Variants in HMCN1 observed in about 807,000 individuals in gnomAD.
HMCN1 encodes hemicentin 1.
In HMCN1, 321 loss-of-function variants were observed where a neutral mutation model predicts 625.9. The observed-to-expected ratio is 0.51, with a 90% confidence interval of 0.47 to 0.56. The LOEUF (loss-of-function observed/expected upper bound fraction) is 0.56. Ranked by LOEUF, HMCN1 falls within the 20% of genes least tolerant of loss-of-function variation. HMCN1 has a pLI of 0.00. For synonymous variants in HMCN1, 2,425 were observed against 2,417.6 expected, an observed-to-expected ratio of 1.00 and a Z score of -0.09; for missense variants, 6,588 against 6,887.3, an observed-to-expected ratio of 0.96 and a Z score of 1.54.
chr1:185,847,173 C>T (rs1661873134), intron 2 of HMCN1, among the ~76,000 whole-genome samples: 3 of 151,864 alleles, frequency 2.0e-5, no homozygotes, highest in Non-Finnish European at 1.5e-5. Flanking sequence ...TCTCCTTTGT[C>T]CATTGCCTTT....
chr1:186,007,076 A>G, intron 29 of HMCN1, 52 bp from the exon 30 acceptor site: 2 of 1,391,596 alleles, frequency 1.4e-6, no homozygotes, highest in Non-Finnish European at 2.0e-6. Flanking sequence ...GATAAATAAG[A>G]AATGTGAAAA....
intron 6 of HMCN1, among the ~76,000 whole-genome samples, chr1:185,917,076 A>T (rs941238142): frequency 1.3e-5 from 2 of 152,060 alleles, no homozygotes; most frequent in Non-Finnish European, 2.9e-5. Context: ...TCAATGATAC[A>T]TTTCTCTTCC....
At chr1:185,909,156 G>A (rs1160978325) in intron 4 of HMCN1, among the ~76,000 whole-genome samples, 181 bp from the exon 5 acceptor site, 2 of 152,050 alleles carry the variant, frequency 1.3e-5, no homozygotes, top group African/African-American at 4.8e-5. Flanking sequence ...CCAGCATTTT[G>A]TTTTGAATGT....
chr1:186,122,408 A>G (rs1441411665), intron 80 of HMCN1, among the ~76,000 whole-genome samples: 2 of 152,186 alleles, frequency 1.3e-5, no homozygotes, highest in Admixed American at 1.3e-4. Flanking sequence ...AAGCTCTTTT[A>G]TAGGTTTCCA....
chr1:185,997,997 G>T (rs926430641), intron 25 of HMCN1, among the ~76,000 whole-genome samples: 3 of 152,022 alleles, frequency 2.0e-5, no homozygotes, highest in Non-Finnish European at 4.4e-5. Context: ...CTTGTAAATT[G>T]TCACTTGGAG....
intron 9 of HMCN1, among the ~76,000 whole-genome samples, chr1:185,926,478 A>G (rs949262061): frequency 6.6e-6 from 1 of 152,230 alleles, no homozygotes; most frequent in African/African-American, 2.4e-5. Context: ...GTGAAATCAA[A>G]TAATTCTGTT....
intron 36 of HMCN1, among the ~76,000 whole-genome samples, chr1:186,035,909 T>C (rs1022453089): frequency 3.9e-5 from 6 of 152,170 alleles, no homozygotes; most frequent in Non-Finnish European, 4.4e-5. Context: ...ATATTCGTTA[T>C]AACTGTATTT....
intron 48 of HMCN1, among the ~76,000 whole-genome samples, chr1:186,062,967 G>A (rs1027874713): frequency 1.9e-4 from 28 of 148,158 alleles, no homozygotes; most frequent in Non-Finnish European, 3.7e-4. Flanking sequence ...AAAGGCCTCC[G>A]GTTCCATTCA....
rs183725854 is a variant in HMCN1 at position 186,074,842 on chromosome 1, A to G, written c.8241A>G (p.Ala2747=). 117 of 1,613,168 alleles carry G rather than the reference A, an allele frequency of 7.3e-5. No homozygotes were observed. The highest frequency in any genetic ancestry group is 8.7e-5 in the Non-Finnish European group (103 of 1,179,358). ...ISDTGRYTCV[A]SNIAGEDELD... ...ACACCGGACGATATACTTGTGTAGC[A>G]TCTAACATTGCAGGTGAAGATGAGT... Residue 2747 remains alanine (A), a synonymous_variant, in exon 53 of 107, where the codon GCA becomes GCG. Transcript: ENST00000271588.
In HMCN1 at chr1:186,061,542, C is replaced by T. The variant is rs115117785; in HGVS notation, c.7313-309C>T. Among the ~76,000 whole-genome samples, 1,413 of 152,226 alleles carry T rather than the reference C, an allele frequency of 9.3e-3. 25 individuals are homozygous for T. Among genetic ancestry groups the T allele is most frequent in the African/African-American group, 0.033 (1,361 of 41,552 alleles). Reference sequence around the variant, plus strand: ...CAAACTATATCAGCATCTCTCAACTCGTGTTAAAATATACTTATCTTTTAA... The same window carrying T: ...CAAACTATATCAGCATCTCTCAACTTGTGTTAAAATATACTTATCTTTTAA... On this transcript the variant is annotated intron_variant, in intron 46 of 106. Coordinates refer to ENST00000271588, the MANE Select transcript of HMCN1 (RefSeq NM_031935.3).
At chr1:185,911,991 C>A (rs147825604) in intron 6 of HMCN1, among the ~76,000 whole-genome samples, 1 of 152,076 alleles carries the variant, frequency 6.6e-6, no homozygotes, top group Non-Finnish European at 1.5e-5. Flanking sequence ...CATTGCCACA[C>A]GATACACTTA....
intron 18 of HMCN1, among the ~76,000 whole-genome samples, chr1:185,983,462 T>C (rs1477034442): frequency 2.6e-5 from 4 of 152,108 alleles, no homozygotes; most frequent in African/African-American, 9.7e-5. Context: ...AAAAAGTGAA[T>C]TGACTCCATC....
At chr1:185,814,704 T>A (rs987773807) in intron 1 of HMCN1, among the ~76,000 whole-genome samples, 22 of 149,328 alleles carry the variant, frequency 1.5e-4, no homozygotes, top group East Asian at 7.7e-4. Flanking sequence ...TTATTTTTTT[T>A]TTTTTGAGAT....
At chr1:186,034,548 C>A (rs1479888973) in intron 36 of HMCN1, among the ~76,000 whole-genome samples, 1 of 152,096 alleles carries the variant, frequency 6.6e-6, no homozygotes, top group Non-Finnish European at 1.5e-5. Context: ...CCAGACAGGT[C>A]AAATAATGAC....
chr1:185,899,584 C>A (rs1665689460), intron 4 of HMCN1, among the ~76,000 whole-genome samples: 1 of 152,106 alleles, frequency 6.6e-6, no homozygotes, highest in Admixed American at 6.6e-5. Flanking sequence ...CAACCCAGAT[C>A]TGTCACTGAA....
chr1:186,115,209 A>C, intron 74 of HMCN1, 49 bp from the exon 75 acceptor site: 1 of 1,601,554 alleles, frequency 6.2e-7, no homozygotes, highest in Non-Finnish European at 8.6e-7. Context: ...TTCAAATGGC[A>C]CGCTATTTGC....
At chr1:185,885,856 G>A (rs1388035911) in intron 4 of HMCN1, among the ~76,000 whole-genome samples, 2 of 151,962 alleles carry the variant, frequency 1.3e-5, no homozygotes, top group Non-Finnish European at 2.9e-5. Context: ...TTTCTGCTAT[G>A]CCAGTAATAC....
rs539138906 is a variant in HMCN1, at chr1:185,819,014, G to A, written c.269-27012G>A. 9.9e-5 allele frequency among the ~76,000 whole-genome samples: 15 copies of A among 151,646 alleles called. No homozygotes were observed. The East Asian group carries it at 1.5e-3, about 16-fold the overall frequency. On this transcript the variant is annotated intron_variant, in intron 1 of 106. Transcript: ENST00000271588. ...AGCACTTTGGGAGGCTGAGGCGGGCGGATCACAAGGTCAGGAGTTCGAGAC... is the reference window on the plus strand; with the variant it reads ...AGCACTTTGGGAGGCTGAGGCGGGCAGATCACAAGGTCAGGAGTTCGAGAC...
intron 1 of HMCN1, among the ~76,000 whole-genome samples, chr1:185,793,256 C>T (rs1020678996): frequency 2.0e-5 from 3 of 152,072 alleles, no homozygotes; most frequent in Admixed American, 2.0e-4. Context: ...ATCAAAGTAC[C>T]AAAAGGGATG....
Sources: gnomAD v4.1 joint callset for allele counts (sites outside exome capture counted in the v4.1 genomes callset) on GRCh38, gnomAD v4.1.1 for gene constraint, MANE v1.5 for transcripts, NCBI Gene and HGNC (gene_info 2026-07-23, HGNC 2026-07-21) for gene names.